The following PALS2 variants were observed in gnomAD, a reference collection of about 807,000 sequenced individuals.
PALS2 encodes protein PALS2.
A neutral mutation model predicts 61.6 loss-of-function variants in PALS2; 27 were observed. The observed-to-expected ratio is 0.44, with a 90% CI of 0.32 to 0.60. PALS2 has a LOEUF of 0.60. Ranked by LOEUF, PALS2 falls within the 20% of genes least tolerant of loss-of-function variation. The pLI, the probability that PALS2 is intolerant of heterozygous loss-of-function variation, is 0.05. For synonymous variants in PALS2, 236 were observed against 218.6 expected (o/e 1.08, Z -0.70); for missense variants, 554 against 639.4 (o/e 0.87, Z 1.44).
chr7:24,584,877 G>A (rs376489563), intron 1 of PALS2, among the ~76,000 whole-genome samples: 7,800 of 151,526 alleles, frequency 0.051, 269 homozygotes, highest in African/African-American at 0.088. Context: ...AGCTTTCTAC[G>A]TATGGCTAGC....
intron 3 of PALS2, among the ~76,000 whole-genome samples, chr7:24,649,080 A>G (rs1262444527): frequency 6.6e-6 from 1 of 152,146 alleles, no homozygotes; most frequent in Non-Finnish European, 1.5e-5. Context: ...TATTGGTAAT[A>G]TAAAATTTTT....
intron 9 of PALS2, among the ~76,000 whole-genome samples, chr7:24,673,672 G>A (rs12700541): frequency 0.15 from 22,517 of 151,600 alleles, 1,887 homozygotes; most frequent in Non-Finnish European, 0.17. Flanking sequence ...TAGAAATTTC[G>A]GTCTTCCCTC....
At chr7:24,594,923 G>A (rs1410939072) in intron 1 of PALS2, among the ~76,000 whole-genome samples, 1 of 152,132 alleles carries the variant, frequency 6.6e-6, no homozygotes, top group Non-Finnish European at 1.5e-5. Flanking sequence ...AAGACATGAA[G>A]TGAGCATATG....
intron 3 of PALS2, among the ~76,000 whole-genome samples, chr7:24,644,380 T>C (rs1292350873): frequency 1.3e-5 from 2 of 152,142 alleles, no homozygotes; most frequent in African/African-American, 4.8e-5. Context: ...GTTCCTGCGT[T>C]AGTTTGCTAA....
intron 1 of PALS2, among the ~76,000 whole-genome samples, chr7:24,602,153 A>T (rs950374043): frequency 6.6e-6 from 1 of 151,598 alleles, no homozygotes; most frequent in Admixed American, 6.6e-5. Context: ...CATGATTTCC[A>T]TTGAATTTTT....
chr7:24,615,231 A>G (rs1784250887), intron 1 of PALS2, among the ~76,000 whole-genome samples: 1 of 151,990 alleles, frequency 6.6e-6, no homozygotes, highest in South Asian at 2.1e-4. Context: ...TGAAGGAACT[A>G]GAAAAACAAG....
In PALS2 at chr7:24,573,547, C is replaced by G. The variant is rs1450534467; in HGVS notation, c.-49C>G. The G allele has an allele frequency of 2.6e-6, 1 of 384,966 alleles. No homozygotes were observed. Among genetic ancestry groups the G allele is most frequent in the Admixed American group, 4.5e-5 (1 of 22,030 alleles). The allele number at this position is 384,966 out of a possible 1,614,324, so 23.8% of individuals were successfully genotyped here. On this transcript the variant is annotated 5_prime_UTR_variant, in exon 1 of 12. Transcript: ENST00000222644. The surrounding 1 kb of genome is among the most constrained non-coding windows in gnomAD (Gnocchi z 5.3). ...GAGAGCAGCGGCGGCGGGGAGCGAC[C>G]GGGAGCGGCGGCAGCGGCGGCGCGG...
At chr7:24,588,366 T>C (rs1380358772) in intron 1 of PALS2, among the ~76,000 whole-genome samples, 1 of 152,226 alleles carries the variant, frequency 6.6e-6, no homozygotes, top group Non-Finnish European at 1.5e-5. Context: ...CTACCCATCT[T>C]CATTTAGGGT....
Position 24,679,353 on chromosome 7 carries a change from A to C in PALS2, c.1317+20A>C. ...CCACAAGTAAGCTGCTTGGATTCCA[A>C]AGCTGTTTTATATTTTATTTTCTGT... On this transcript the variant is annotated intron_variant, in intron 10 of 11. Coordinates refer to ENST00000222644, the MANE Select transcript of PALS2 (RefSeq NM_001303037.2). 2 of 1,610,102 alleles carry C rather than the reference A, an allele frequency of 1.2e-6. No individual in the cohort carries two copies. The highest frequency in any genetic ancestry group is 2.2e-5 in the East Asian group (1 of 44,836).
At chr7:24,587,304 A>G (rs1298057402) in intron 1 of PALS2, among the ~76,000 whole-genome samples, 1 of 151,936 alleles carries the variant, frequency 6.6e-6, no homozygotes, top group African/African-American at 2.4e-5. Context: ...AGGAACTTTT[A>G]AATTATTAAA....
At chr7:24,650,806 GA>G (rs1786106289) in intron 5 of PALS2, 94 bp downstream of exon 5, 1 of 899,672 alleles carries the variant, frequency 1.1e-6, no homozygotes, top group Admixed American at 3.3e-5. Context: ...TTTTGCTAAA[GA>G]AAAGAGAAAA....
intron 9 of PALS2, 144 bp downstream of exon 9, chr7:24,668,804 T>C (rs1426151811): frequency 9.7e-7 from 1 of 1,026,786 alleles, no homozygotes; most frequent in Non-Finnish European, 1.4e-6. Context: ...TAAAAGACAT[T>C]GAAAAATTTA....
chr7:24,631,730 G>A (rs1015024001), intron 2 of PALS2, among the ~76,000 whole-genome samples: 3 of 152,226 alleles, frequency 2.0e-5, no homozygotes, highest in African/African-American at 2.4e-5. Context: ...AGCAACCACC[G>A]CCTTGATCAG....
At position 24,618,585 on chromosome 7, in the gene PALS2, G is replaced by A. The variant is rs1784378469; in HGVS notation, c.-2-5081G>A. Among the ~76,000 whole-genome samples the A allele has an allele frequency of 6.6e-6, 1 of 152,240 alleles. No homozygotes were observed. Among genetic ancestry groups the A allele is most frequent in the Non-Finnish European group, 1.5e-5 (1 of 68,034 alleles). On this transcript the variant is annotated intron_variant, in intron 1 of 11. Transcript: ENST00000222644. The surrounding 1 kb of genome is among the most constrained non-coding windows in gnomAD (Gnocchi z 5.1). ...AGCAGCTCCCCAAACTGGGCTCAGG[G>A]CTTGCAAGGACTGTGGATTCTCCTG... is the stretch of plus-strand genomic sequence containing the variant.
At chr7:24,594,507 C>G (rs1218301685) in intron 1 of PALS2, among the ~76,000 whole-genome samples, 2 of 152,060 alleles carry the variant, frequency 1.3e-5, no homozygotes, top group African/African-American at 4.8e-5. Context: ...GAGAGACTTG[C>G]TCCTCTTCCT....
At chr7:24,606,400 C>T (rs1783900522) in intron 1 of PALS2, among the ~76,000 whole-genome samples, 1 of 152,028 alleles carries the variant, frequency 6.6e-6, no homozygotes, top group African/African-American at 2.4e-5. Flanking sequence ...AGGAGAGGGC[C>T]TTGAGATACT....
chr7:24,666,116 T>G, intron 8 of PALS2, 27 bp downstream of exon 8: 1 of 1,569,334 alleles, frequency 6.4e-7, no homozygotes, highest in Non-Finnish European at 8.8e-7. Flanking sequence ...TTTTGAGAAG[T>G]CCAAGTGAAG....
intron 1 of PALS2, among the ~76,000 whole-genome samples, chr7:24,583,224 G>GT (rs1047235782): frequency 2.0e-5 from 3 of 151,764 alleles, no homozygotes; most frequent in African/African-American, 2.4e-5. Flanking sequence ...CAATTTAAAT[G>GT]TTTTTTATTT....
chr7:24,641,564 A>C (rs554311125), intron 2 of PALS2, 152 bp from the exon 3 acceptor site: 4 of 623,714 alleles, frequency 6.4e-6, no homozygotes, highest in African/African-American at 3.8e-5. Flanking sequence ...TGTAAAATCT[A>C]TATATTGCCT....
Sources: gnomAD v4.1 joint callset for allele counts (sites outside exome capture counted in the v4.1 genomes callset) on GRCh38, gnomAD v4.1.1 for gene constraint, Gnocchi (gnomAD v3.1) non-coding constraint, MANE v1.5 for transcripts, NCBI Gene and HGNC (gene_info 2026-07-23, HGNC 2026-07-21) for gene names.